Variants in SEMA5A observed in about 807,000 individuals in gnomAD.
The protein encoded by SEMA5A is semaphorin-5A.
Under a neutral mutation model 135.5 loss-of-function variants are expected in SEMA5A, and 55 were observed. That is an observed-to-expected ratio of 0.41 (90% CI 0.33 to 0.51). SEMA5A has a LOEUF of 0.51. Among genes scored for constraint, SEMA5A ranks in the 20% least tolerant of loss-of-function variants. The pLI is 0.37. For missense variants in SEMA5A, 1,290 were observed against 1,419.9 expected, an observed-to-expected ratio of 0.91 and a Z score of 1.47; for synonymous variants, 580 against 546.5, an observed-to-expected ratio of 1.06 and a Z score of -0.85.
chr5:9,265,880 G>A (rs1749659950), intron 5 of SEMA5A, among the ~76,000 whole-genome samples: 1 of 152,166 alleles, frequency 6.6e-6, no homozygotes, highest in Non-Finnish European at 1.5e-5. Flanking sequence ...CATGTTCAGG[G>A]CCTGGCATCT....
At chr5:9,222,307 C>A (rs565507001) in intron 8 of SEMA5A, among the ~76,000 whole-genome samples, 2 of 152,076 alleles carry the variant, frequency 1.3e-5, no homozygotes, top group Non-Finnish European at 2.9e-5. Context: ...TCAGGGTCAA[C>A]TAGGAGTGGA....
At chr5:9,468,944 T>C (rs920922453) in intron 1 of SEMA5A, among the ~76,000 whole-genome samples, 1 of 152,230 alleles carries the variant, frequency 6.6e-6, no homozygotes, top group African/African-American at 2.4e-5. Context: ...GGTTCATTTT[T>C]CTGAGCCTCC....
chr5:9,052,499 C>T (rs909432488), intron 19 of SEMA5A, among the ~76,000 whole-genome samples: 2 of 152,170 alleles, frequency 1.3e-5, no homozygotes, highest in East Asian at 3.9e-4. Context: ...TAATTGTGTG[C>T]TCATGAGAGT....
chr5:9,270,079 T>C (rs924192028), intron 5 of SEMA5A, among the ~76,000 whole-genome samples: 1 of 152,156 alleles, frequency 6.6e-6, no homozygotes, highest in African/African-American at 2.4e-5. Context: ...AGCATCTGCT[T>C]TCCTTCCAGG....
At chr5:9,405,976 C>A (rs1449074766) in intron 2 of SEMA5A, among the ~76,000 whole-genome samples, 1 of 152,200 alleles carries the variant, frequency 6.6e-6, no homozygotes, top group Non-Finnish European at 1.5e-5. Flanking sequence ...TATCTGGGAC[C>A]TGTCTTTACC....
intron 1 of SEMA5A, among the ~76,000 whole-genome samples, chr5:9,516,394 C>G (rs1334364117): frequency 2.0e-5 from 3 of 152,198 alleles, no homozygotes; most frequent in Non-Finnish European, 4.4e-5. Context: ...TTGGAAGCAG[C>G]ACTTAGAATC....
At position 9,352,805 on chromosome 5, in the gene SEMA5A, G is replaced by A. The variant is rs887584340; in HGVS notation, c.125-14993C>T. ...GTTAATAAAGTTTTATCAGAACACA[G>A]CCATGCCCATTGTTTACATATGTTC... On this transcript the variant is annotated intron_variant, in intron 3 of 22. Coordinates refer to ENST00000382496, the MANE Select transcript of SEMA5A (RefSeq NM_003966.3). Among the ~76,000 whole-genome samples, 6 of 152,076 alleles carry A rather than the reference G, an allele frequency of 3.9e-5. No homozygotes were observed. The South Asian group carries it at 6.2e-4, about 16-fold the overall frequency.
chr5:9,483,293 C>T (rs1759946525), intron 1 of SEMA5A, among the ~76,000 whole-genome samples: 1 of 152,126 alleles, frequency 6.6e-6, no homozygotes, highest in African/African-American at 2.4e-5. Context: ...TCCCCTTACC[C>T]CCTCTCCCTC....
chr5:9,421,169 C>T (rs948021460), intron 2 of SEMA5A, among the ~76,000 whole-genome samples: 1 of 152,228 alleles, frequency 6.6e-6, no homozygotes, highest in Non-Finnish European at 1.5e-5. Context: ...CCTTCTGTAT[C>T]TTCCTCCATG....
At chr5:9,131,812 G>A (rs1016417521) in intron 13 of SEMA5A, among the ~76,000 whole-genome samples, 13 of 151,892 alleles carry the variant, frequency 8.6e-5, no homozygotes, top group Non-Finnish European at 1.9e-4. Flanking sequence ...TTTGTGGGGA[G>A]TGAACATGCA....
chr5:9,169,297 A>G (rs10069586), intron 11 of SEMA5A, among the ~76,000 whole-genome samples: 140 of 152,270 alleles, frequency 9.2e-4, no homozygotes, highest in African/African-American at 3.2e-3. Flanking sequence ...TCAAATATAT[A>G]CACTTTGTAT....
Position 9,122,780 on chromosome 5 carries a change from T to C in SEMA5A, c.1657A>G (p.Thr553Ala). ...CCCACGGCGCTGCCATCTGTGTGCGTGCAAGGCGTCCACGGAGACCACACA... is the reference window on the plus strand; with the variant it reads ...CCCACGGCGCTGCCATCTGTGTGCGCGCAAGGCGTCCACGGAGACCACACA... ...FGVWSPWTPCTHTDGSAVGSC... is the reference protein window; with the variant it reads ...FGVWSPWTPCAHTDGSAVGSC... The change falls in exon 14 of 23, where the codon ACG becomes GCG. Residue 553 changes from threonine to alanine, a missense_variant. Thr to Ala is a moderately conservative substitution (Grantham distance 58). Around this residue, in one of 3 missense-constraint regions of SEMA5A, gnomAD observed 1,029 missense variants for 1,086.6 expected, o/e 0.95. Transcript: ENST00000382496. The C allele has an allele frequency of 6.2e-7, 1 of 1,612,766 alleles. No individual in the cohort carries two copies. The highest frequency in any genetic ancestry group is 8.5e-7 in the Non-Finnish European group (1 of 1,179,562).
chr5:9,103,581 T>C (rs529694358), intron 16 of SEMA5A, among the ~76,000 whole-genome samples: 3 of 152,306 alleles, frequency 2.0e-5, no homozygotes, highest in Admixed American at 1.3e-4. Flanking sequence ...AAATCATAGC[T>C]TGTGGTCAAT....
intron 11 of SEMA5A, among the ~76,000 whole-genome samples, chr5:9,175,550 G>A (rs1047654687): frequency 3.9e-5 from 6 of 152,116 alleles, no homozygotes; most frequent in Admixed American, 3.3e-4. Context: ...CCCTTTGAAT[G>A]CCATACAACA....
At chr5:9,236,267 A>T (rs150017948) in intron 6 of SEMA5A, among the ~76,000 whole-genome samples, 2 of 152,308 alleles carry the variant, frequency 1.3e-5, no homozygotes, top group East Asian at 3.9e-4. Flanking sequence ...CCTTGAGAGC[A>T]TGGAACAGTG....
chr5:9,497,273 C>T (rs1383514013), intron 1 of SEMA5A, among the ~76,000 whole-genome samples: 2 of 152,176 alleles, frequency 1.3e-5, no homozygotes, highest in East Asian at 1.9e-4. Flanking sequence ...AAAGCATCAC[C>T]ATTGTTCATC....
At chr5:9,460,512 C>T (rs1253928959) in intron 1 of SEMA5A, among the ~76,000 whole-genome samples, 1 of 151,976 alleles carries the variant, frequency 6.6e-6, no homozygotes, top group Non-Finnish European at 1.5e-5. Context: ...TATATTATTT[C>T]AATCTGTCTA....
At chr5:9,405,125 G>T (rs147487004) in intron 2 of SEMA5A, among the ~76,000 whole-genome samples, 1 of 152,106 alleles carries the variant, frequency 6.6e-6, no homozygotes, top group Admixed American at 6.5e-5. Context: ...TTCTGAGACC[G>T]TGTGCACATC....
chr5:9,073,543 A>C (rs1737880960), intron 16 of SEMA5A, among the ~76,000 whole-genome samples: 1 of 152,206 alleles, frequency 6.6e-6, no homozygotes. Context: ...TAAGATGAGA[A>C]ACAAGGCAAG....
Sources: gnomAD v4.1 joint callset for allele counts (sites outside exome capture counted in the v4.1 genomes callset) on GRCh38, gnomAD v4.1.1 for gene constraint, gnomAD v4.1.1 regional missense constraint, MANE v1.5 for transcripts, NCBI Gene and HGNC (gene_info 2026-07-23, HGNC 2026-07-21) for gene names.